Variants in TDP1 observed in about 807,000 individuals in gnomAD.
TDP1 encodes the protein tyrosyl-DNA phosphodiesterase 1.
TDP1 carries 64 observed loss-of-function variants against 81.5 expected under a neutral mutation model. The ratio of observed to expected loss-of-function variants is 0.79; its 90% CI spans 0.64 to 0.97. The LOEUF is 0.97. TDP1 is among the 50% of genes least tolerant of loss of function. The pLI is 0.00. For synonymous variants in TDP1, 256 were observed against 264.3 expected, an observed-to-expected ratio of 0.97 and a Z score of 0.30; for missense variants, 723 against 743.8, an observed-to-expected ratio of 0.97 and a Z score of 0.33.
intron 14 of TDP1, among the ~76,000 whole-genome samples, chr14:90,016,647 A>G (rs1885345881): frequency 6.6e-6 from 1 of 152,234 alleles, no homozygotes; most frequent in African/African-American, 2.4e-5. Context: ...TAGCTCCAGC[A>G]TCAGGACAAA....
rs756488898 is a variant in TDP1 at position 89,963,530 on chromosome 14, A to G, written c.416A>G (p.Lys139Arg). ...NHGAPACHRLKEEEDEYETSG... is the reference protein window; with the variant it reads ...NHGAPACHRLREEEDEYETSG... ...GGCGCTCCCGCCTGCCACAGGCTCA[A>G]AGAGGAGGAAGACGAGTATGAGACA... The change falls in exon 3 of 17, where the codon AAA (lysine) becomes AGA (arginine). Residue 139 changes from lysine to arginine, a missense_variant. By Grantham distance (26) the Lys-to-Arg change is conservative. Coordinates refer to ENST00000335725, the MANE Select transcript of TDP1 (RefSeq NM_018319.4). The G allele has an allele frequency of 1.2e-6, 2 of 1,606,816 alleles. No homozygotes were observed. Among genetic ancestry groups the G allele is most frequent in the Non-Finnish European group, 1.7e-6 (2 of 1,176,066 alleles).
chr14:89,993,522 T>C, intron 14 of TDP1, 39 bp downstream of exon 14: 4 of 1,606,160 alleles, frequency 2.5e-6, no homozygotes, highest in Middle Eastern at 1.7e-4. Flanking sequence ...GAAATCTTTT[T>C]AATGTGTTCA....
intron 4 of TDP1, chr14:89,967,157 A>G (rs560052314): frequency 1.0e-6 from 1 of 976,372 alleles, no homozygotes; most frequent in East Asian, 1.1e-4. Context: ...TATCTCATGT[A>G]CTTGGCTCCA....
intron 14 of TDP1, among the ~76,000 whole-genome samples, chr14:90,002,992 C>CAGTG (rs1256846252): frequency 6.6e-6 from 1 of 152,072 alleles, no homozygotes; most frequent in Non-Finnish European, 1.5e-5. Flanking sequence ...GGCTGGAGTG[C>CAGTG]AGTGGCATGA....
intron 2 of TDP1, among the ~76,000 whole-genome samples, chr14:89,960,531 G>C (rs1892204977): frequency 6.6e-6 from 1 of 152,184 alleles, no homozygotes; most frequent in African/African-American, 2.4e-5. Flanking sequence ...TGGACAGAGT[G>C]TAGAAATAAA....
chr14:89,966,000 T>C (rs1008025830), intron 3 of TDP1, 147 bp from the exon 4 acceptor site: 30 of 1,026,962 alleles, frequency 2.9e-5, no homozygotes, highest in Non-Finnish European at 4.0e-5. Flanking sequence ...TTATGAAACA[T>C]TAAAGTCTGA....
chr14:90,034,357 C>A (rs1001382408), intron 16 of TDP1, among the ~76,000 whole-genome samples: 4 of 152,194 alleles, frequency 2.6e-5, no homozygotes, highest in Non-Finnish European at 4.4e-5. Flanking sequence ...AAAGGGAGGT[C>A]CCCAGGGGCT....
At chr14:89,965,738 C>G in intron 3 of TDP1, 1 of 983,254 alleles carries the variant, frequency 1.0e-6, no homozygotes, top group Non-Finnish European at 1.2e-6. Context: ...CTAAACTGTC[C>G]ACATTTATAA....
chr14:89,975,321 C>T, intron 6 of TDP1: 2 of 631,346 alleles, frequency 3.2e-6, no homozygotes, highest in Non-Finnish European at 3.9e-6. Flanking sequence ...CGTGATGTGC[C>T]CGCCTCAGCC....
rs940924803 is a variant in TDP1 at position 90,044,231 on chromosome 14, A to T, written c.*1088A>T. 6.6e-6 allele frequency: 1 copy of T among 152,210 alleles called. No individual in the cohort carries two copies. Among genetic ancestry groups the T allele is most frequent in the African/African-American group, 2.4e-5 (1 of 41,452 alleles). 9.4% of individuals were successfully genotyped at this position (152,210 alleles called of 1,614,324 possible). On this transcript the variant is annotated 3_prime_UTR_variant, in exon 17 of 17. Coordinates refer to ENST00000335725, the MANE Select transcript of TDP1 (RefSeq NM_018319.4). ...CTCATAGAAACATACAAAAGCACAC[A>T]AGTATTTTGGGAAAAAATCCTAAAA...
At chr14:90,007,622 T>A (rs1180971008) in intron 14 of TDP1, among the ~76,000 whole-genome samples, 4 of 151,782 alleles carry the variant, frequency 2.6e-5, no homozygotes, top group African/African-American at 9.7e-5. Flanking sequence ...AACTGCCAAC[T>A]AAGATTTTTT....
intron 16 of TDP1, among the ~76,000 whole-genome samples, chr14:90,036,153 A>T (rs1354687850): frequency 6.6e-6 from 1 of 152,152 alleles, no homozygotes; most frequent in Non-Finnish European, 1.5e-5. Context: ...TTAAGCTAAA[A>T]TAATAATAAT....
At chr14:89,996,020 C>T (rs1266029828) in intron 14 of TDP1, among the ~76,000 whole-genome samples, 1 of 152,194 alleles carries the variant, frequency 6.6e-6, no homozygotes, top group East Asian at 1.9e-4. Flanking sequence ...TTGGAAATAG[C>T]TGTCAAAGCC....
chr14:90,016,978 G>C (rs974971627), intron 14 of TDP1, among the ~76,000 whole-genome samples: 1 of 152,124 alleles, frequency 6.6e-6, no homozygotes, highest in African/African-American at 2.4e-5. Flanking sequence ...CACAGCACTT[G>C]GGAGAGAAAG....
intron 14 of TDP1, among the ~76,000 whole-genome samples, chr14:90,008,459 T>G (rs927128132): frequency 1.3e-5 from 2 of 152,232 alleles, no homozygotes; most frequent in Non-Finnish European, 2.9e-5. Context: ...AGAGTCACGC[T>G]GCCTGAGTTC....
At chr14:90,020,985 G>A (rs1034814346) in intron 15 of TDP1, among the ~76,000 whole-genome samples, 1 of 151,540 alleles carries the variant, frequency 6.6e-6, no homozygotes, top group African/African-American at 2.4e-5. Flanking sequence ...TAGTAGAGAC[G>A]GGGTTTCACC....
At chr14:90,037,286 T>G (rs1324223279) in intron 16 of TDP1, among the ~76,000 whole-genome samples, 6 of 152,246 alleles carry the variant, frequency 3.9e-5, no homozygotes, top group Admixed American at 2.6e-4. Context: ...TTAGCTTATA[T>G]TCACTTTGTT....
chr14:89,988,996 A>T lies in TDP1; in HGVS notation c.1223A>T (p.Glu408Val), dbSNP rs1242563665. 2 of 1,614,176 alleles carry T rather than the reference A, an allele frequency of 1.2e-6. No homozygotes were observed. The highest frequency in any genetic ancestry group is 1.7e-6 in the Non-Finnish European group (2 of 1,179,998). ...AGCGTTGGCTCCTTGGGAGCCGATG[A>T]ATCAAAGTGGTTATGTTCTGAGTTT... Reference protein sequence around the residue: ...FSSVGSLGADESKWLCSEFKE... With the variant: ...FSSVGSLGADVSKWLCSEFKE... The change falls in exon 11 of 17, where the codon GAA (glutamate) becomes GTA (valine). Residue 408 changes from glutamate to valine, a missense_variant. Glu to Val is a moderately radical substitution (Grantham distance 121). Transcript: ENST00000335725.
chr14:89,997,716 C>T (rs555904415), intron 14 of TDP1, among the ~76,000 whole-genome samples: 1 of 152,112 alleles, frequency 6.6e-6, no homozygotes, highest in Non-Finnish European at 1.5e-5. Context: ...CATTGCCAAA[C>T]AAATGAATTG....
Sources: gnomAD v4.1 joint callset for allele counts (sites outside exome capture counted in the v4.1 genomes callset) on GRCh38, gnomAD v4.1.1 for gene constraint, MANE v1.5 for transcripts, NCBI Gene and HGNC (gene_info 2026-07-23, HGNC 2026-07-21) for gene names.